The following ADAMTS20 variants were observed in gnomAD, a reference collection of about 807,000 sequenced individuals.
ADAMTS20 encodes ADAM metallopeptidase with thrombospondin type 1 motif 20.
A neutral mutation model predicts 260.1 loss-of-function variants in ADAMTS20; 225 were observed. The observed-to-expected ratio is 0.87, with a 90% confidence interval of 0.78 to 0.97. ADAMTS20 has a LOEUF of 0.97. ADAMTS20 is among the 50% of genes least tolerant of loss of function. ADAMTS20 has a pLI of 0.00. For synonymous variants in ADAMTS20, 802 were observed against 769.5 expected, an observed-to-expected ratio of 1.04 and a Z score of -0.70; for missense variants, 2,400 against 2,337.7, an observed-to-expected ratio of 1.03 and a Z score of -0.55.
intron 29 of ADAMTS20, among the ~76,000 whole-genome samples, chr12:43,385,120 TG>T (rs1299208173): frequency 2.6e-5 from 4 of 152,194 alleles, no homozygotes; most frequent in Non-Finnish European, 4.4e-5. Context: ...CAGCATCTGT[TG>T]TTTCCTGACT....
chr12:43,542,888 C>T (rs991501621), intron 2 of ADAMTS20, among the ~76,000 whole-genome samples: 18 of 152,124 alleles, frequency 1.2e-4, no homozygotes, highest in Non-Finnish European at 2.5e-4. Flanking sequence ...ATTCTTGAAG[C>T]TCCCCCAAGA....
chr12:43,514,426 G>T (rs1470045953), intron 3 of ADAMTS20, among the ~76,000 whole-genome samples: 1 of 151,780 alleles, frequency 6.6e-6, no homozygotes, highest in East Asian at 2.0e-4. Flanking sequence ...GTTGGGTGTA[G>T]TGGCGCGTGC....
chr12:43,403,056 T>C (rs536394519), intron 28 of ADAMTS20, among the ~76,000 whole-genome samples: 1 of 152,238 alleles, frequency 6.6e-6, no homozygotes, highest in South Asian at 2.1e-4. Flanking sequence ...GGCCTGAAAA[T>C]GTAGTAGATC....
At chr12:43,393,281 C>T (rs1940633696) in intron 29 of ADAMTS20, among the ~76,000 whole-genome samples, 1 of 151,844 alleles carries the variant, frequency 6.6e-6, no homozygotes, top group African/African-American at 2.4e-5. Context: ...TTTAAAAAAT[C>T]CAGGTAATGA....
intron 14 of ADAMTS20, among the ~76,000 whole-genome samples, chr12:43,449,515 G>GA (rs1217937636): frequency 6.6e-6 from 1 of 151,938 alleles, no homozygotes; most frequent in African/African-American, 2.4e-5. Context: ...GAGAGGATCA[G>GA]AAAAAGTAAC....
chr12:43,460,988 A>ATATATATATATATATATATTTTTTTTTTT, intron 11 of ADAMTS20, among the ~76,000 whole-genome samples: 2 of 26,394 alleles, frequency 7.6e-5, no homozygotes, highest in African/African-American at 2.6e-4. Context: ...ATATATATAT[A>ATATATATATATATATATATTTTTTTTTTT]TTTTTTTTTT....
In ADAMTS20 at chr12:43,492,588, C is replaced by A. The variant is rs370008149; in HGVS notation, c.993G>T (p.Lys331Asn). The A allele has an allele frequency of 2.5e-6, 4 of 1,613,692 alleles. No homozygotes were observed. Among genetic ancestry groups the A allele is most frequent in the African/African-American group, 1.3e-5 (1 of 75,004 alleles). The change falls in exon 6 of 39, where the codon AAG becomes AAT. Residue 331 changes from lysine to asparagine, a missense_variant. Lys to Asn is a moderately conservative substitution (Grantham distance 94). Coordinates refer to ENST00000389420, the MANE Select transcript of ADAMTS20 (RefSeq NM_025003.5). ...GAGTTTGTTGCCATGAACAAAAGTT[C>A]TTTAATGTGGTAGCACCATCAAAAT... The part of the protein sequence containing the change: ...VINFDGATTL[K>N]NFCSWQQTQN...
intron 38 of ADAMTS20, 55 bp from the exon 39 acceptor site, chr12:43,354,353 G>A (rs772926759): frequency 4.6e-6 from 6 of 1,295,580 alleles, no homozygotes; most frequent in Non-Finnish European, 6.5e-6. Flanking sequence ...GTATCTGTAT[G>A]CAAATAGCAG....
At chr12:43,544,592 A>C (rs768889098) in intron 2 of ADAMTS20, among the ~76,000 whole-genome samples, 10 of 152,168 alleles carry the variant, frequency 6.6e-5, no homozygotes, top group Admixed American at 1.3e-4. Flanking sequence ...GGGGAAAAGG[A>C]AGGCAGCTCA....
At chr12:43,354,761 T>C (rs558786332) in intron 38 of ADAMTS20, among the ~76,000 whole-genome samples, 4 of 152,234 alleles carry the variant, frequency 2.6e-5, no homozygotes, top group Non-Finnish European at 5.9e-5. Context: ...TCCCATTTAT[T>C]TCAAGCATCT....
chr12:43,452,619 C>T lies in ADAMTS20; in HGVS notation c.1837G>A (p.Gly613Ser). ...TGCTTCTCTCGAAAGTCTTGTGTGC[C>T]TTTTGGACATGAATCAGTATTACAT... is the stretch of plus-strand genomic sequence containing the variant. ...RSCNTDSCPK[G>S]TQDFREKQCS... The change falls in exon 13 of 39, where the codon GGC becomes AGC. Residue 613 changes from glycine to serine, a missense_variant. Physicochemically the swap from Gly to Ser is moderately conservative, Grantham distance 56. Transcript: ENST00000389420. 1 of 1,613,340 alleles carries T rather than the reference C, an allele frequency of 6.2e-7. No individual in the cohort carries two copies. The highest frequency in any genetic ancestry group is 8.5e-7 in the Non-Finnish European group (1 of 1,179,696).
intron 28 of ADAMTS20, among the ~76,000 whole-genome samples, chr12:43,412,013 G>T (rs1160778430): frequency 6.6e-6 from 1 of 151,936 alleles, no homozygotes; most frequent in East Asian, 1.9e-4. Context: ...TAACACACTA[G>T]AAATTTGAAT....
At chr12:43,429,294 G>A (rs1203745791) in intron 24 of ADAMTS20, among the ~76,000 whole-genome samples, 2 of 152,060 alleles carry the variant, frequency 1.3e-5, no homozygotes, top group African/African-American at 4.8e-5. Flanking sequence ...ACATGAAAAT[G>A]TTTGTAGTTC....
At chr12:43,483,317 C>G (rs535835436) in intron 7 of ADAMTS20, among the ~76,000 whole-genome samples, 2 of 152,066 alleles carry the variant, frequency 1.3e-5, no homozygotes, top group African/African-American at 4.8e-5. Context: ...TAAGGAAGCA[C>G]CCTGTGGGAC....
chr12:43,477,259 C>T (rs945905098), intron 7 of ADAMTS20, among the ~76,000 whole-genome samples: 10 of 151,908 alleles, frequency 6.6e-5, no homozygotes, highest in African/African-American at 2.4e-4. Flanking sequence ...GTCTAGCATT[C>T]AAGCACTAAA....
intron 7 of ADAMTS20, among the ~76,000 whole-genome samples, chr12:43,480,755 G>A (rs543894188): frequency 1.8e-4 from 28 of 152,164 alleles, no homozygotes; most frequent in Middle Eastern, 3.4e-3. Flanking sequence ...TAAAAAAGTC[G>A]AACTCTGATA....
intron 7 of ADAMTS20, among the ~76,000 whole-genome samples, chr12:43,488,235 A>G (rs1005777873): frequency 6.6e-6 from 1 of 152,156 alleles, no homozygotes; most frequent in African/African-American, 2.4e-5. Context: ...CAGGTTTAAC[A>G]GGGAAAATTT....
intron 2 of ADAMTS20, among the ~76,000 whole-genome samples, chr12:43,548,701 A>C (rs1215751076): frequency 6.6e-6 from 1 of 152,182 alleles, no homozygotes; most frequent in Non-Finnish European, 1.5e-5. Flanking sequence ...CTTACAATTG[A>C]TTATGATCAC....
intron 28 of ADAMTS20, among the ~76,000 whole-genome samples, chr12:43,408,032 T>C (rs1382960169): frequency 6.6e-6 from 1 of 152,178 alleles, no homozygotes; most frequent in Non-Finnish European, 1.5e-5. Flanking sequence ...TCCAGTAACA[T>C]GAACCTTTAC....
Sources: gnomAD v4.1 joint callset for allele counts (sites outside exome capture counted in the v4.1 genomes callset) on GRCh38, gnomAD v4.1.1 for gene constraint, MANE v1.5 for transcripts, NCBI Gene and HGNC (gene_info 2026-07-23, HGNC 2026-07-21) for gene names.